The following CCBE1 variants were observed in gnomAD, a reference collection of about 807,000 sequenced individuals.
CCBE1 encodes the protein collagen and calcium binding EGF domains 1, also known as collagen and calcium-binding EGF domain-containing protein 1.
Under a neutral mutation model 50.0 loss-of-function variants are expected in CCBE1, and 37 were observed. The ratio of observed to expected loss-of-function variants is 0.74; its 90% CI spans 0.57 to 0.97. The LOEUF (loss-of-function observed/expected upper bound fraction) is 0.97. Ranked by LOEUF, CCBE1 falls within the 50% of genes least tolerant of loss-of-function variation. The pLI, the probability that CCBE1 is intolerant of heterozygous loss-of-function variation, is 0.00. For missense variants in CCBE1, 538 were observed against 523.8 expected (o/e 1.03, Z -0.26); for synonymous variants, 234 against 203.7 (o/e 1.15, Z -1.27).
At chr18:59,523,933 C>A (rs1031556960) in intron 2 of CCBE1, among the ~76,000 whole-genome samples, 1 of 152,222 alleles carries the variant, frequency 6.6e-6, no homozygotes, top group East Asian at 1.9e-4. Context: ...TTAAAGAAAT[C>A]TTTCTGTGAC....
chr18:59,625,810 G>A (rs898949543), intron 2 of CCBE1, among the ~76,000 whole-genome samples: 1 of 152,096 alleles, frequency 6.6e-6, no homozygotes, highest in Non-Finnish European at 1.5e-5. Context: ...ACTGAGGGGT[G>A]GGGTCTTTGG....
chr18:59,437,981 G>A, intron 10 of CCBE1, 130 bp downstream of exon 10: 1 of 771,498 alleles, frequency 1.3e-6, no homozygotes, highest in South Asian at 1.6e-5. Context: ...TAACCACAGA[G>A]TTCTGTTCAG....
intron 2 of CCBE1, among the ~76,000 whole-genome samples, chr18:59,551,680 C>T (rs187598887): frequency 1.1e-3 from 165 of 152,240 alleles, no homozygotes; most frequent in African/African-American, 3.9e-3. Flanking sequence ...GAGACTAGTC[C>T]TTTAAAAAAC....
At chr18:59,472,819 A>G (rs1912098595) in intron 3 of CCBE1, among the ~76,000 whole-genome samples, 1 of 152,260 alleles carries the variant, frequency 6.6e-6, no homozygotes, top group Non-Finnish European at 1.5e-5. Flanking sequence ...TAACTGACTC[A>G]CAGATCCACA....
At chr18:59,616,580 C>T (rs1221674250) in intron 2 of CCBE1, among the ~76,000 whole-genome samples, 2 of 152,170 alleles carry the variant, frequency 1.3e-5, no homozygotes, top group African/African-American at 4.8e-5. Context: ...GTGAAACTCC[C>T]CTTAGTGGCT....
In CCBE1 at chr18:59,461,729, C is replaced by CTTTTTT. The variant is rs36013463; in HGVS notation, c.553+5004_553+5009dup. ...GAGAGGATTCCCAGCCAGGTGTAATCTTTTTTTTTTTTTTTTTTTTTGAGA... is the reference window on the plus strand; with the variant it reads ...GAGAGGATTCCCAGCCAGGTGTAATCTTTTTTTTTTTTTTTTTTTTTTTTTTTGAGA... On this transcript the variant is annotated intron_variant, in intron 5 of 10. Coordinates refer to ENST00000439986, the MANE Select transcript of CCBE1 (RefSeq NM_133459.4). 3.5e-3 allele frequency among the ~76,000 whole-genome samples: 388 copies of CTTTTTT among 109,300 alleles called. 5 individuals carry two copies. The highest frequency in any genetic ancestry group is 7.0e-3 in the African/African-American group (193 of 27,378). The allele number at this position is 109,300 out of a possible 152,430, so 71.7% of individuals were successfully genotyped here.
intron 2 of CCBE1, among the ~76,000 whole-genome samples, chr18:59,619,136 C>G (rs981755417): frequency 6.6e-6 from 1 of 152,110 alleles, no homozygotes; most frequent in Non-Finnish European, 1.5e-5. Flanking sequence ...ATAAATGATT[C>G]AATCATATTA....
intron 2 of CCBE1, among the ~76,000 whole-genome samples, chr18:59,547,101 G>GGGAGAGGGAGGGGAAGAGAGGAAA (rs796152037): frequency 1.2e-4 from 17 of 146,152 alleles, no homozygotes; most frequent in African/African-American, 3.8e-4. Flanking sequence ...GAGGGAGGTA[G>GGGAGAGGGAGGGGAAGAGAGGAAA]GGAGAGGGAG....
At chr18:59,564,755 C>A (rs1383230095) in intron 2 of CCBE1, among the ~76,000 whole-genome samples, 1 of 152,168 alleles carries the variant, frequency 6.6e-6, no homozygotes, top group East Asian at 1.9e-4. Flanking sequence ...ATGAGGTTGG[C>A]TGGGGAAAGG....
intron 2 of CCBE1, among the ~76,000 whole-genome samples, chr18:59,626,439 T>C (rs1010254372): frequency 6.6e-6 from 1 of 152,190 alleles, no homozygotes; most frequent in Non-Finnish European, 1.5e-5. Flanking sequence ...ATTATAAACA[T>C]GACAGGAGCA....
chr18:59,557,573 G>T (rs1248043294), intron 2 of CCBE1, among the ~76,000 whole-genome samples: 1 of 152,148 alleles, frequency 6.6e-6, no homozygotes, highest in Non-Finnish European at 1.5e-5. Context: ...GTCCCCTCCT[G>T]CAACCAGTCA....
chr18:59,536,532 G>A (rs753404608), intron 2 of CCBE1, among the ~76,000 whole-genome samples: 4 of 152,134 alleles, frequency 2.6e-5, no homozygotes, highest in Non-Finnish European at 2.9e-5. Flanking sequence ...GGAAAATGTC[G>A]ACTTTCCCAG....
At chr18:59,610,052 C>G (rs967714313) in intron 2 of CCBE1, among the ~76,000 whole-genome samples, 1 of 152,202 alleles carries the variant, frequency 6.6e-6, no homozygotes, top group African/African-American at 2.4e-5. Context: ...CAAAGGCACA[C>G]AAAATATATG....
chr18:59,435,776 G>A lies in CCBE1; in HGVS notation c.*132C>T. On this transcript the variant is annotated 3_prime_UTR_variant, in exon 11 of 11. Coordinates refer to ENST00000439986, the MANE Select transcript of CCBE1 (RefSeq NM_133459.4). ...CATCGTATTTGGAAGAAGAGGAGTG[G>A]AGAGACGTCAGGAGAAGAGAAGAGA... 1 of 839,192 alleles carries A rather than the reference G, an allele frequency of 1.2e-6. No homozygotes were observed. 52.0% of individuals were successfully genotyped at this position (839,192 alleles called of 1,614,324 possible). A position where few individuals can be genotyped will look rare whatever the true frequency, so the allele number is the denominator to read the frequency against.
At chr18:59,495,321 C>A (rs1200590474) in intron 2 of CCBE1, among the ~76,000 whole-genome samples, 1 of 151,342 alleles carries the variant, frequency 6.6e-6, no homozygotes. Context: ...TTTGGATAAT[C>A]GGTTTGGATA....
At chr18:59,628,042 G>A (rs143787301) in intron 2 of CCBE1, among the ~76,000 whole-genome samples, 24 of 152,166 alleles carry the variant, frequency 1.6e-4, no homozygotes, top group African/African-American at 2.9e-4. Flanking sequence ...ACGACACCCC[G>A]TCTCTACAAA....
chr18:59,590,605 C>T (rs2053249687), intron 2 of CCBE1, among the ~76,000 whole-genome samples: 1 of 152,106 alleles, frequency 6.6e-6, no homozygotes, highest in African/African-American at 2.4e-5. Context: ...ATATCCCAGA[C>T]AGATATTAAA....
At chr18:59,606,606 G>T (rs1161038004) in intron 2 of CCBE1, among the ~76,000 whole-genome samples, 3 of 152,094 alleles carry the variant, frequency 2.0e-5, no homozygotes, top group African/African-American at 7.2e-5. Context: ...GCCCCAGGGT[G>T]ACATAAACAA....
chr18:59,613,999 G>C (rs550394994), intron 2 of CCBE1, among the ~76,000 whole-genome samples: 4 of 150,214 alleles, frequency 2.7e-5, no homozygotes, highest in Non-Finnish European at 4.4e-5. Context: ...TCAGCCACCT[G>C]AGTACCTGGG....
Sources: gnomAD v4.1 joint callset for allele counts (sites outside exome capture counted in the v4.1 genomes callset) on GRCh38, gnomAD v4.1.1 for gene constraint, MANE v1.5 for transcripts, NCBI Gene and HGNC (gene_info 2026-07-23, HGNC 2026-07-21) for gene names.